A4GNT: variants seen among roughly 807,000 people sequenced by gnomAD.
A4GNT encodes the protein alpha-1,4-N-acetylglucosaminyltransferase.
A neutral mutation model predicts 8.3 loss-of-function variants in A4GNT; 6 were observed. That is an observed-to-expected ratio of 0.72 (90% CI 0.39 to 1.42). The LOEUF is 1.42. Among genes scored for constraint, A4GNT ranks in the 40% most tolerant of loss-of-function variants. A4GNT has a pLI of 0.02. For synonymous variants in A4GNT, 157 were observed against 159.8 expected, an observed-to-expected ratio of 0.98 and a Z score of 0.13; for missense variants, 377 against 417.0, an observed-to-expected ratio of 0.90 and a Z score of 0.84.
Position 138,132,267 on chromosome 3 carries a change from C to T in A4GNT, c.-82G>A, listed in dbSNP as rs886745333. ...CTCTAACCAAGGAGAACACAGATCT[C>T]ACGTCTTGGCAGGTCTATCTTTCAA... On this transcript the variant is annotated 5_prime_UTR_variant, in exon 1 of 3. Coordinates refer to ENST00000236709, the MANE Select transcript of A4GNT (RefSeq NM_016161.3). The T allele has an allele frequency of 6.6e-5, 10 of 152,212 alleles. No homozygotes were observed. The highest frequency in any genetic ancestry group is 2.4e-4 in the African/African-American group (10 of 41,456). The allele number at this position is 152,212 out of a possible 1,614,324, so 9.4% of individuals were successfully genotyped here. A position where few individuals can be genotyped will look rare whatever the true frequency, so the allele number is the denominator to read the frequency against.
chr3:138,128,186 C>A (rs1576522737), intron 2 of A4GNT, among the ~76,000 whole-genome samples: 1 of 152,276 alleles, frequency 6.6e-6, no homozygotes, highest in Non-Finnish European at 1.5e-5. Context: ...ATGTGGTATG[C>A]AGCTTCTCCC....
Position 138,126,354 on chromosome 3 carries a change from A to G in A4GNT, c.409-1476T>C, listed in dbSNP as rs142192319. Among the ~76,000 whole-genome samples, 693 of 151,952 alleles carry G rather than the reference A, an allele frequency of 4.6e-3. 10 individuals are homozygous for G. The highest frequency in any genetic ancestry group is 0.016 in the African/African-American group (643 of 41,432). ...CTCATATGGAATGCTAAGATTCTGA[A>G]GAGAAATAGAAAGCAAAATGTTTTG... On this transcript the variant is annotated intron_variant, in intron 2 of 2. Transcript: ENST00000236709.
At chr3:138,129,060 C>T (rs2042762131) in intron 2 of A4GNT, among the ~76,000 whole-genome samples, 1 of 152,080 alleles carries the variant, frequency 6.6e-6, no homozygotes, top group African/African-American at 2.4e-5. Context: ...CCCTCCCCAT[C>T]ATGTCTGTCA....
chr3:138,131,878 A>G (rs1017997599), intron 1 of A4GNT, among the ~76,000 whole-genome samples: 2 of 152,224 alleles, frequency 1.3e-5, no homozygotes, highest in South Asian at 4.1e-4. Context: ...CTTAATATGA[A>G]ACATTTGAAA....
intron 2 of A4GNT, among the ~76,000 whole-genome samples, chr3:138,127,590 A>G (rs899216830): frequency 2.0e-4 from 30 of 151,936 alleles, no homozygotes; most frequent in African/African-American, 5.8e-4. Flanking sequence ...AAAAAAAACA[A>G]AAAACATAAG....
intron 2 of A4GNT, among the ~76,000 whole-genome samples, chr3:138,128,572 A>G (rs2042759463): frequency 6.6e-6 from 1 of 152,154 alleles, no homozygotes; most frequent in African/African-American, 2.4e-5. Flanking sequence ...ATCCACCCCC[A>G]TGACCCAATT....
chr3:138,132,705 T>C (rs929438546), upstream of A4GNT, among the ~76,000 whole-genome samples: 51 of 152,212 alleles, frequency 3.4e-4, no homozygotes, highest in African/African-American at 1.2e-3. Flanking sequence ...CAGTTTAGCT[T>C]GAATCAAAAT....
rs1280558473 is a variant in A4GNT at position 138,124,604 on chromosome 3, A to G, written c.683T>C (p.Met228Thr). ...ACACCATACCCTCAACATCCTTGTC[A>G]TCAACTCAGGGCCTTGGTTGCCCCA... ...AIWGNQGPEL[M>T]TRMLRVWCKL... is the part of the protein sequence containing the mutation. Residue 228 changes from methionine (M) to threonine (T), a missense_variant, in exon 3 of 3, where the codon ATG (methionine) becomes ACG (threonine). Physicochemically the swap from Met to Thr is moderately conservative, Grantham distance 81. Transcript: ENST00000236709. 2 of 1,614,220 alleles carry G rather than the reference A, an allele frequency of 1.2e-6. No homozygotes were observed. The highest frequency in any genetic ancestry group is 1.7e-5 in the Admixed American group (1 of 60,032).
chr3:138,129,009 C>T (rs2042761874), intron 2 of A4GNT, among the ~76,000 whole-genome samples: 1 of 152,216 alleles, frequency 6.6e-6, no homozygotes, highest in South Asian at 2.1e-4. Context: ...ACCCCAGGAG[C>T]CATTCCCAGC....
Position 138,123,899 on chromosome 3 carries a change from A to C in A4GNT, c.*365T>G, listed in dbSNP as rs2042728762. The stretch of plus-strand genomic sequence containing the variant: ...AGTACCCATTTTTTCTTCCTCCTTA[A>C]ACTTCCCAGCCTCTCTTGCAGCTAC... On this transcript the variant is annotated 3_prime_UTR_variant, in exon 3 of 3. Coordinates refer to ENST00000236709, the MANE Select transcript of A4GNT (RefSeq NM_016161.3). 5.3e-6 allele frequency: 1 copy of C among 189,236 alleles called. No homozygotes were observed. Among genetic ancestry groups the C allele is most frequent in the Non-Finnish European group, 1.1e-5 (1 of 91,896 alleles). The allele number at this position is 189,236 out of a possible 1,614,324, so 11.7% of individuals were successfully genotyped here.
At position 138,124,425 on chromosome 3, in the gene A4GNT, G is replaced by A; in HGVS notation, c.862C>T (p.His288Tyr). 6.2e-7 allele frequency: 1 copy of A among 1,614,202 alleles called. No homozygotes were observed. The highest frequency in any genetic ancestry group is 8.5e-7 in the Non-Finnish European group (1 of 1,180,052). ...TCCTGGTTCATGTGGTTCCACAAAT[G>A]CAGGGCATAAGAGACATTGAAGCTT... ...EPSFNVSYAL[H>Y]LWNHMNQEGR... The change falls in exon 3 of 3, where the codon CAT (histidine) becomes TAT (tyrosine). Residue 288 changes from histidine to tyrosine, a missense_variant. Transcript: ENST00000236709.
chr3:138,130,804 C>A (rs750830675), intron 2 of A4GNT, 45 bp downstream of exon 2: 2 of 1,588,860 alleles, frequency 1.3e-6, no homozygotes, highest in East Asian at 2.2e-5. Context: ...TCAGTTTACC[C>A]ATATATACAA....
intron 2 of A4GNT, among the ~76,000 whole-genome samples, chr3:138,126,758 G>A (rs1363588877): frequency 1.3e-5 from 2 of 150,740 alleles, no homozygotes; most frequent in African/African-American, 4.9e-5. Flanking sequence ...CCTGGGAGGC[G>A]GAGGTTGCAG....
Position 138,124,442 on chromosome 3 carries a change from T to A in A4GNT, c.845A>T (p.Asn282Ile). Reference protein sequence around the residue: ...YEVWDTEPSFNVSYALHLWNH... With the variant: ...YEVWDTEPSFIVSYALHLWNH... The stretch of plus-strand genomic sequence containing the variant: ...CCACAAATGCAGGGCATAAGAGACA[T>A]TGAAGCTTGGCTCTGTATCCCACAC... Residue 282 changes from asparagine (N) to isoleucine (I), a missense_variant, in exon 3 of 3, where the codon AAT (asparagine) becomes ATT (isoleucine). Transcript: ENST00000236709. 6.2e-7 allele frequency: 1 copy of A among 1,614,174 alleles called. No homozygotes were observed.
chr3:138,123,808 C>CA lies in A4GNT; in HGVS notation c.*455dup, dbSNP rs2042728304. 1 of 154,128 alleles carries CA rather than the reference C, an allele frequency of 6.5e-6. No individual in the cohort carries two copies. The highest frequency in any genetic ancestry group is 1.4e-5 in the Non-Finnish European group (1 of 69,444). The allele number at this position is 154,128 out of a possible 1,614,324, so 9.5% of individuals were successfully genotyped here. A position where few individuals can be genotyped will look rare whatever the true frequency, so the allele number is the denominator to read the frequency against. On this transcript the variant is annotated 3_prime_UTR_variant, in exon 3 of 3. Coordinates refer to ENST00000236709, the MANE Select transcript of A4GNT (RefSeq NM_016161.3). ...CTTTTTACCTCAGTCAATGCTCTAACAGGTCCTGGAATTAATCTTACTGTA... is the reference window on the plus strand; with the variant it reads ...CTTTTTACCTCAGTCAATGCTCTAACAAGGTCCTGGAATTAATCTTACTGTA...
chr3:138,126,782 T>A (rs1301114796), intron 2 of A4GNT, among the ~76,000 whole-genome samples: 1 of 131,190 alleles, frequency 7.6e-6, no homozygotes, highest in Non-Finnish European at 1.6e-5. Flanking sequence ...GGAAAGATTG[T>A]ACCATTGCAC....
upstream of A4GNT, among the ~76,000 whole-genome samples, chr3:138,133,203 G>T (rs1230318380): frequency 6.6e-6 from 1 of 152,180 alleles, no homozygotes; most frequent in Non-Finnish European, 1.5e-5. Flanking sequence ...TACATGAAGG[G>T]AGTTAAAGCT....
Position 138,124,134 on chromosome 3 carries a change from T to C in A4GNT, c.*130A>G. On this transcript the variant is annotated 3_prime_UTR_variant, in exon 3 of 3. Coordinates refer to ENST00000236709, the MANE Select transcript of A4GNT (RefSeq NM_016161.3). ...TTTTTCTATTACAGACAGAGAAAGC[T>C]AATCCTAACTGACATTTGAGAGGCA... The C allele has an allele frequency of 5.5e-6, 7 of 1,270,534 alleles. No individual in the cohort carries two copies. The South Asian group carries it at 7.4e-5, about 13-fold the overall frequency. The allele number at this position is 1,270,534 out of a possible 1,614,324, so 78.7% of individuals were successfully genotyped here.
Position 138,124,432 on chromosome 3 carries a change from A to G in A4GNT, c.855T>C (p.Tyr285=), listed in dbSNP as rs762115616. The change falls in exon 3 of 3, where the codon TAT becomes TAC. Residue 285 remains tyrosine (Y), a synonymous_variant. Transcript: ENST00000236709. ...TCATGTGGTTCCACAAATGCAGGGCATAAGAGACATTGAAGCTTGGCTCTG... is the reference window on the plus strand; with the variant it reads ...TCATGTGGTTCCACAAATGCAGGGCGTAAGAGACATTGAAGCTTGGCTCTG... The part of the protein sequence containing the change: ...WDTEPSFNVS[Y]ALHLWNHMNQ... The G allele has an allele frequency of 1.2e-6, 2 of 1,614,226 alleles. No individual in the cohort carries two copies. Among genetic ancestry groups the G allele is most frequent in the South Asian group, 2.2e-5 (2 of 91,088 alleles).
Sources: gnomAD v4.1 joint callset for allele counts (sites outside exome capture counted in the v4.1 genomes callset) on GRCh38, gnomAD v4.1.1 for gene constraint, MANE v1.5 for transcripts, NCBI Gene and HGNC (gene_info 2026-07-23, HGNC 2026-07-21) for gene names.